The following BOLL variants were observed in gnomAD, a reference collection of about 807,000 sequenced individuals.
The protein encoded by BOLL is protein boule-like.
BOLL carries 23 observed loss-of-function variants against 44.4 expected under a neutral mutation model. The ratio of observed to expected loss-of-function variants is 0.52; its 90% CI spans 0.37 to 0.73. BOLL has a LOEUF of 0.73. Among genes scored for constraint, BOLL ranks in the 30% least tolerant of loss-of-function variants. The probability of loss-of-function intolerance (pLI) is 0.00; values close to 1 mark genes in which losing one functional copy is unlikely to be tolerated. For missense variants in BOLL, 287 were observed against 338.3 expected, an observed-to-expected ratio of 0.85 and a Z score of 1.19; for synonymous variants, 97 against 110.8, an observed-to-expected ratio of 0.88 and a Z score of 0.78.
chr2:197,780,408 G>A (rs1340167129), intron 2 of BOLL, among the ~76,000 whole-genome samples: 2 of 151,982 alleles, frequency 1.3e-5, no homozygotes, highest in African/African-American at 2.4e-5. Context: ...AGTGCATGCT[G>A]TAGCTGATGG....
At chr2:197,741,876 A>G (rs1310264847) in intron 10 of BOLL, among the ~76,000 whole-genome samples, 1 of 152,214 alleles carries the variant, frequency 6.6e-6, no homozygotes, top group East Asian at 1.9e-4. Context: ...TGAAAAGGCA[A>G]CCTACAAAAT....
intron 7 of BOLL, among the ~76,000 whole-genome samples, chr2:197,760,502 A>G (rs1003041274): frequency 1.3e-5 from 2 of 152,116 alleles, no homozygotes; most frequent in Non-Finnish European, 2.9e-5. Flanking sequence ...TGGCTGAGAA[A>G]CTGCATGCCT....
intron 10 of BOLL, among the ~76,000 whole-genome samples, chr2:197,737,213 T>G (rs766316679): frequency 9.2e-5 from 14 of 152,156 alleles, no homozygotes; most frequent in Non-Finnish European, 1.5e-4. Context: ...ATATTTATAC[T>G]ATTCATCCTT....
rs577635841 is a variant in BOLL, at chr2:197,732,081, AAAG to A, written c.829-3506_829-3504del. Among the ~76,000 whole-genome samples the A allele has an allele frequency of 4.2e-3, 629 of 151,136 alleles. 6 individuals are homozygous for A. Among genetic ancestry groups the A allele is most frequent in the African/African-American group, 0.014 (591 of 40,800 alleles). ...CCGCTAGCAAGACTAATAAAGAAAAAAAGAGAGAAGAATCAAATAGACGCAATA... is the reference window on the plus strand; with the variant it reads ...CCGCTAGCAAGACTAATAAAGAAAAAAGAGAAGAATCAAATAGACGCAATA... On this transcript the variant is annotated intron_variant, in intron 10 of 10. Transcript: ENST00000392296.
chr2:197,759,812 C>T (rs893161390), intron 7 of BOLL, among the ~76,000 whole-genome samples: 3 of 152,184 alleles, frequency 2.0e-5, no homozygotes, highest in African/African-American at 2.4e-5. Context: ...GACATGCTGC[C>T]GGGATGGAAT....
chr2:197,762,497 ATT>A (rs1688805598), intron 7 of BOLL, among the ~76,000 whole-genome samples: 1 of 152,204 alleles, frequency 6.6e-6, no homozygotes, highest in Non-Finnish European at 1.5e-5. Flanking sequence ...GAATTACCAT[ATT>A]TCAGGAAACA....
At chr2:197,742,602 G>A (rs1329053943) in intron 10 of BOLL, among the ~76,000 whole-genome samples, 1 of 151,948 alleles carries the variant, frequency 6.6e-6, no homozygotes, top group Non-Finnish European at 1.5e-5. Context: ...CTCATAGGTG[G>A]GAATTGAACA....
intron 9 of BOLL, 40 bp from the exon 10 acceptor site, chr2:197,743,199 T>C (rs1176153493): frequency 7.0e-7 from 1 of 1,419,152 alleles, no homozygotes; most frequent in Admixed American, 2.1e-5. Context: ...ACCTTTCATC[T>C]ATTAATTCTA....
intron 5 of BOLL, 67 bp downstream of exon 5, chr2:197,775,598 A>G: frequency 9.7e-7 from 1 of 1,025,710 alleles, no homozygotes; most frequent in Non-Finnish European, 1.4e-6. Context: ...AGTTCTATAA[A>G]AAGTCTTATA....
Position 197,778,964 on chromosome 2 carries a change from G to A in BOLL, c.221+11C>T. The A allele has an allele frequency of 6.3e-7, 1 of 1,597,818 alleles. No individual in the cohort carries two copies. Among genetic ancestry groups the A allele is most frequent in the Non-Finnish European group, 8.6e-7 (1 of 1,168,296 alleles). Reference sequence around the variant, plus strand: ...TTGCTAATTCCATAGACAATCTATAGTGATACTAACCCTTTGGATACTCCA... The same window carrying A: ...TTGCTAATTCCATAGACAATCTATAATGATACTAACCCTTTGGATACTCCA... On this transcript the variant is annotated intron_variant, in intron 3 of 10. Transcript: ENST00000392296.
At chr2:197,734,221 A>G (rs1687361083) in intron 10 of BOLL, among the ~76,000 whole-genome samples, 1 of 151,732 alleles carries the variant, frequency 6.6e-6, no homozygotes, top group Non-Finnish European at 1.5e-5. Context: ...AATGCTCATC[A>G]TCACTGGCCA....
intron 9 of BOLL, among the ~76,000 whole-genome samples, chr2:197,754,547 A>C (rs1688415911): frequency 6.6e-6 from 1 of 152,074 alleles, no homozygotes; most frequent in Admixed American, 6.5e-5. Flanking sequence ...GTCTCTACTA[A>C]AAATATGAAA....
intron 10 of BOLL, among the ~76,000 whole-genome samples, chr2:197,730,689 C>G (rs1283521836): frequency 6.7e-6 from 1 of 149,892 alleles, no homozygotes; most frequent in Non-Finnish European, 1.5e-5. Context: ...ATTTTCAACC[C>G]AGAATTTCAT....
intron 9 of BOLL, among the ~76,000 whole-genome samples, chr2:197,755,204 A>G (rs913032354): frequency 6.6e-6 from 1 of 152,226 alleles, no homozygotes; most frequent in Non-Finnish European, 1.5e-5. Context: ...ACCATCTCAC[A>G]CCAGTCAGAA....
At chr2:197,754,514 C>T (rs1471005202) in intron 9 of BOLL, among the ~76,000 whole-genome samples, 1 of 152,072 alleles carries the variant, frequency 6.6e-6, no homozygotes, top group East Asian at 1.9e-4. Context: ...TCGAGACCAT[C>T]CTGGCCAACA....
At chr2:197,780,236 C>T (rs1164883159) in intron 2 of BOLL, among the ~76,000 whole-genome samples, 2 of 151,968 alleles carry the variant, frequency 1.3e-5, no homozygotes, top group Non-Finnish European at 2.9e-5. Context: ...AGTCTGTTTG[C>T]TTATAAAAAT....
chr2:197,780,755 T>C (rs1467386595), intron 2 of BOLL, among the ~76,000 whole-genome samples: 3 of 143,428 alleles, frequency 2.1e-5, no homozygotes, highest in Non-Finnish European at 4.5e-5. Context: ...AAATGTCAAA[T>C]ATCACACCTA....
chr2:197,762,996 A>T (rs1427126252), intron 7 of BOLL, among the ~76,000 whole-genome samples: 1 of 152,204 alleles, frequency 6.6e-6, no homozygotes, highest in East Asian at 1.9e-4. Flanking sequence ...AAGAAAAAAA[A>T]GAAAGTAGAC....
At position 197,771,906 on chromosome 2, in the gene BOLL, A is replaced by T; in HGVS notation, c.429T>A (p.Gly143=). 6.3e-7 allele frequency: 1 copy of T among 1,598,674 alleles called. No individual in the cohort carries two copies. Among genetic ancestry groups the T allele is most frequent in the Non-Finnish European group, 8.5e-7 (1 of 1,171,630 alleles). The change falls in exon 6 of 11, where the codon GGT becomes GGA. Residue 143 remains glycine, a synonymous_variant. Transcript: ENST00000392296. ...STGYPYTYHN[G]VAYFHTPEVT... is the part of the protein sequence containing the mutation. The stretch of plus-strand genomic sequence containing the variant: ...CCTCTGGAGTATGAAAATAAGCAAC[A>T]CCATTATGGTAAGTATAAGGATATC...
Sources: allele counts gnomAD v4.1 joint callset (sites outside exome capture counted in the v4.1 genomes callset), GRCh38; gene constraint gnomAD v4.1.1; transcripts MANE v1.5; gene names NCBI Gene and HGNC (gene_info 2026-07-23, HGNC 2026-07-21).